ABCA12: variants seen among roughly 807,000 people sequenced by gnomAD.
ABCA12 encodes the protein ATP binding cassette subfamily A member 12, also known as glucosylceramide transporter ABCA12.
ABCA12 carries 156 observed loss-of-function variants against 293.5 expected under a neutral mutation model. The ratio of observed to expected loss-of-function variants is 0.53; its 90% CI spans 0.47 to 0.61. The LOEUF (loss-of-function observed/expected upper bound fraction) is 0.61. Ranked by LOEUF, ABCA12 falls within the 20% of genes least tolerant of loss-of-function variation. ABCA12 has a pLI of 0.00. For missense variants in ABCA12, 2,797 were observed against 3,090.2 expected (o/e 0.91, Z 2.25); for synonymous variants, 1,063 against 1,108.0 (o/e 0.96, Z 0.81).
chr2:215,000,674 C>T, intron 22 of ABCA12, 31 bp downstream of exon 22: 1 of 1,612,356 alleles, frequency 6.2e-7, no homozygotes. Context: ...AGTTGTTGAT[C>T]ATTAAAAAGG....
intron 11 of ABCA12, among the ~76,000 whole-genome samples, chr2:215,024,021 T>C (rs1475607734): frequency 6.6e-6 from 1 of 152,210 alleles, no homozygotes; most frequent in African/African-American, 2.4e-5. Context: ...GCTGAACACA[T>C]GACTGCAGAT....
chr2:214,947,172 C>A (rs1374345171), intron 48 of ABCA12, among the ~76,000 whole-genome samples: 1 of 152,136 alleles, frequency 6.6e-6, no homozygotes, highest in East Asian at 1.9e-4. Context: ...GCCAGTGTTT[C>A]CTTGGAAACG....
chr2:214,973,883 T>C, intron 36 of ABCA12, 66 bp downstream of exon 36: 1 of 1,339,794 alleles, frequency 7.5e-7, no homozygotes, highest in Non-Finnish European at 1.1e-6. Flanking sequence ...CCTAGAGAGA[T>C]CTTTCGAGCT....
chr2:214,999,528 G>A (rs1318915732), intron 22 of ABCA12, among the ~76,000 whole-genome samples: 1 of 152,308 alleles, frequency 6.6e-6, no homozygotes, highest in South Asian at 2.1e-4. Context: ...CAGTGTATAT[G>A]TGTGTAAGGC....
intron 43 of ABCA12, among the ~76,000 whole-genome samples, chr2:214,954,869 T>C (rs758666477): frequency 6.6e-6 from 1 of 152,224 alleles, no homozygotes; most frequent in South Asian, 2.1e-4. Flanking sequence ...TCGTTGTCCT[T>C]GTCACCACCA....
intron 38 of ABCA12, 149 bp downstream of exon 38, chr2:214,968,571 T>C (rs957417297): frequency 4.2e-6 from 3 of 719,408 alleles, no homozygotes; most frequent in African/African-American, 1.7e-5. Flanking sequence ...CTAGGGTACA[T>C]ACACAGAATT....
intron 36 of ABCA12, among the ~76,000 whole-genome samples, chr2:214,972,112 AG>A (rs1421207427): frequency 6.6e-6 from 1 of 152,024 alleles, no homozygotes; most frequent in Non-Finnish European, 1.5e-5. Context: ...ATTGATTTGC[AG>A]TTCTTTATAC....
At chr2:214,946,892 C>G (rs142225084) in intron 48 of ABCA12, among the ~76,000 whole-genome samples, 22 of 152,030 alleles carry the variant, frequency 1.4e-4, no homozygotes, top group African/African-American at 5.1e-4. Flanking sequence ...ACCCTATACC[C>G]CCCACATTCA....
At position 215,111,666 on chromosome 2, in the gene ABCA12, A is replaced by G; in HGVS notation, c.94T>C (p.Trp32Arg). 1 of 1,613,554 alleles carries G rather than the reference A, an allele frequency of 6.2e-7. No homozygotes were observed. Among genetic ancestry groups the G allele is most frequent in the South Asian group, 1.1e-5 (1 of 91,030 alleles). ...AAAATTATGAAAATAATGACTGGCC[A>G]TAAGATCAAGACAAGTGTCCAAAGC... is the stretch of plus-strand genomic sequence containing the variant. Reference protein sequence around the residue: ...QPLWTLVLILWPVIIFIILAI... With the variant: ...QPLWTLVLILRPVIIFIILAI... Residue 32 changes from tryptophan (W) to arginine (R), a missense_variant, in exon 2 of 53, where the codon TGG becomes CGG. Physicochemically the swap from Trp to Arg is moderately radical, Grantham distance 101. This residue lies in a region of ABCA12 where 656 missense variants were observed against 638.2 expected (regional missense o/e 1.03). Transcript: ENST00000272895.
chr2:215,119,734 T>TAAAAAAAAAAAA, intron 1 of ABCA12, among the ~76,000 whole-genome samples: 1 of 75,606 alleles, frequency 1.3e-5, no homozygotes, highest in African/African-American at 3.8e-5. Flanking sequence ...CATTAAAAAG[T>TAAAAAAAAAAAA]AAAAAAAAAA....
rs1700143125 is a variant in ABCA12, at chr2:215,001,413, C to T, written c.2863+145G>A. On this transcript the variant is annotated intron_variant, in intron 21 of 52. Coordinates refer to ENST00000272895, the MANE Select transcript of ABCA12 (RefSeq NM_173076.3). ...CTTAGAGATTATAGTTGGTTGCCTA[C>T]ATGAAAGGTTCTCTTTTCTAAGGAC... 6.4e-6 allele frequency: 6 copies of T among 941,400 alleles called. No individual in the cohort carries two copies. The South Asian group carries it at 8.5e-5, about 13-fold the overall frequency. The allele number at this position is 941,400 out of a possible 1,614,324, so 58.3% of individuals were successfully genotyped here. A position where few individuals can be genotyped will look rare whatever the true frequency, so the allele number is the denominator to read the frequency against.
intron 2 of ABCA12, among the ~76,000 whole-genome samples, chr2:215,110,851 G>T (rs901232670): frequency 2.0e-5 from 3 of 152,174 alleles, no homozygotes; most frequent in African/African-American, 7.2e-5. Flanking sequence ...TTTAGGAGAT[G>T]GCTGCTTTGT....
At chr2:215,121,514 G>A (rs910793251) in intron 1 of ABCA12, among the ~76,000 whole-genome samples, 8 of 152,140 alleles carry the variant, frequency 5.3e-5, no homozygotes, top group African/African-American at 1.4e-4. Flanking sequence ...TTTACATTGC[G>A]AAGTAAGAGC....
chr2:214,969,256 T>C (rs1414335896), intron 37 of ABCA12, among the ~76,000 whole-genome samples: 2 of 152,094 alleles, frequency 1.3e-5, no homozygotes, highest in Admixed American at 1.3e-4. Flanking sequence ...CCAGACATTA[T>C]ACATTTTTTC....
At chr2:215,010,589 A>C in intron 17 of ABCA12, 119 bp from the exon 18 acceptor site, 1 of 1,155,786 alleles carries the variant, frequency 8.7e-7, no homozygotes, top group South Asian at 1.3e-5. Context: ...AGTACTTCCT[A>C]TATTATTAAC....
intron 6 of ABCA12, among the ~76,000 whole-genome samples, chr2:215,048,515 C>G (rs1701249077): frequency 9.5e-5 from 14 of 147,488 alleles, no homozygotes; most frequent in Admixed American, 9.4e-4. Context: ...GCCAACATGG[C>G]AAAACCCTAT....
chr2:215,054,009 G>C (rs967948589), intron 4 of ABCA12, among the ~76,000 whole-genome samples: 1 of 152,006 alleles, frequency 6.6e-6, no homozygotes, highest in Non-Finnish European at 1.5e-5. Context: ...GTGAAAATTT[G>C]AGAGCTACTG....
chr2:214,950,001 C>A (rs954419811), intron 45 of ABCA12, among the ~76,000 whole-genome samples: 1 of 152,120 alleles, frequency 6.6e-6, no homozygotes, highest in Non-Finnish European at 1.5e-5. Flanking sequence ...GAGTTTCTAA[C>A]CTTTGGATCC....
Position 214,990,926 on chromosome 2 carries a change from T to G in ABCA12, c.3400A>C (p.Lys1134Gln), listed in dbSNP as rs1389644664. 6.2e-7 allele frequency: 1 copy of G among 1,613,812 alleles called. No individual in the cohort carries two copies. Among genetic ancestry groups the G allele is most frequent in the African/African-American group, 1.3e-5 (1 of 74,846 alleles). ...VTIVILIIILKFGNILPKTNG... is the reference protein window; with the variant it reads ...VTIVILIIILQFGNILPKTNG... ...GTTTTAGGAAGAATATTGCCAAACTTGAGTATAATGATGAGGATCACGATG... is the reference window on the plus strand; with the variant it reads ...GTTTTAGGAAGAATATTGCCAAACTGGAGTATAATGATGAGGATCACGATG... The change falls in exon 24 of 53, where the codon AAG becomes CAG. Residue 1134 changes from lysine to glutamine, a missense_variant. Physicochemically the swap from Lys to Gln is moderately conservative, Grantham distance 53. Around this residue, in one of 3 missense-constraint regions of ABCA12, gnomAD observed 2,130 missense variants for 2,427.0 expected, o/e 0.88. Coordinates refer to ENST00000272895, the MANE Select transcript of ABCA12 (RefSeq NM_173076.3).
Sources: allele counts gnomAD v4.1 joint callset (sites outside exome capture counted in the v4.1 genomes callset), GRCh38; gene constraint gnomAD v4.1.1; regional missense constraint gnomAD v4.1.1; transcripts MANE v1.5; gene names NCBI Gene and HGNC (gene_info 2026-07-23, HGNC 2026-07-21).